The following SMARCC1 variants were observed in gnomAD, a reference collection of about 807,000 sequenced individuals.
SMARCC1 encodes the protein SWI/SNF related BAF chromatin remodeling complex subunit C1.
In SMARCC1, 43 loss-of-function variants were observed where a neutral mutation model predicts 147.4. That is an observed-to-expected ratio of 0.29 (90% CI 0.23 to 0.38). The LOEUF (loss-of-function observed/expected upper bound fraction) is 0.38. Ranked by LOEUF, SMARCC1 falls within the 10% of genes least tolerant of loss-of-function variation. The pLI is 1.00. For synonymous variants in SMARCC1, 495 were observed against 484.4 expected (o/e 1.02, Z -0.29); for missense variants, 1,119 against 1,381.1 (o/e 0.81, Z 3.01).
intron 24 of SMARCC1, among the ~76,000 whole-genome samples, chr3:47,624,707 C>T (rs2032782864): frequency 6.6e-6 from 1 of 151,986 alleles, no homozygotes; most frequent in South Asian, 2.1e-4. Context: ...AAGTCACAGA[C>T]CAAACCTAAG....
chr3:47,737,884 G>T (rs905548723), intron 4 of SMARCC1, 145 bp downstream of exon 4: 31 of 351,178 alleles, frequency 8.8e-5, no homozygotes, highest in African/African-American at 5.7e-4. Context: ...GGATGGTCTC[G>T]ATCTCCTGAC....
At position 47,636,085 on chromosome 3, in the gene SMARCC1, C is replaced by T. The variant is rs747529623; in HGVS notation, c.2428G>A (p.Gly810Arg). ...ETDEGDKAQDGENEKNSEKEQ... is the reference protein window; with the variant it reads ...ETDEGDKAQDRENEKNSEKEQ... ...TTTTCACTATTTTTTTCATTTTCTC[C>T]ATCTTGTGCTTTATCACCTTCATCC... The change falls in exon 23 of 28, where the codon GGA becomes AGA. Residue 810 changes from glycine to arginine, a missense_variant. Transcript: ENST00000254480. The T allele has an allele frequency of 1.2e-6, 2 of 1,610,076 alleles. No individual in the cohort carries two copies. The highest frequency in any genetic ancestry group is 8.5e-7 in the Non-Finnish European group (1 of 1,177,248).
chr3:47,667,660 C>T (rs887231263), intron 19 of SMARCC1, among the ~76,000 whole-genome samples: 1 of 152,148 alleles, frequency 6.6e-6, no homozygotes, highest in Non-Finnish European at 1.5e-5. Flanking sequence ...GGGCAGATCA[C>T]GAGGTCAAGA....
intron 8 of SMARCC1, among the ~76,000 whole-genome samples, chr3:47,713,190 G>A (rs1194688089): frequency 6.6e-6 from 1 of 151,714 alleles, no homozygotes; most frequent in African/African-American, 2.4e-5. Flanking sequence ...GCTTGGTGGC[G>A]GGCGCCTGTA....
At chr3:47,658,268 A>G (rs975491788) in intron 21 of SMARCC1, among the ~76,000 whole-genome samples, 8 of 152,258 alleles carry the variant, frequency 5.3e-5, no homozygotes, top group African/African-American at 1.4e-4. Context: ...TATAGAATTC[A>G]CCCATTTATT....
At chr3:47,771,461 G>C (rs1486177982) in intron 2 of SMARCC1, among the ~76,000 whole-genome samples, 1 of 152,190 alleles carries the variant, frequency 6.6e-6, no homozygotes, top group African/African-American at 2.4e-5. Flanking sequence ...GTATAAGATA[G>C]CAGAGGCTGG....
chr3:47,646,591 T>A (rs910264546), intron 21 of SMARCC1, among the ~76,000 whole-genome samples: 1 of 152,238 alleles, frequency 6.6e-6, no homozygotes, highest in African/African-American at 2.4e-5. Context: ...GAGAGGCATA[T>A]TGGAGAAGAG....
chr3:47,612,373 C>T (rs541887638), intron 25 of SMARCC1, among the ~76,000 whole-genome samples: 88 of 152,284 alleles, frequency 5.8e-4, no homozygotes, highest in African/African-American at 1.8e-3. Flanking sequence ...CTGGTCTGAA[C>T]AGCTTGGCTG....
chr3:47,702,001 C>G (rs1258029566), intron 10 of SMARCC1, among the ~76,000 whole-genome samples: 1 of 151,944 alleles, frequency 6.6e-6, no homozygotes, highest in Non-Finnish European at 1.5e-5. Flanking sequence ...AATAAAATAA[C>G]AACTGCTAAG....
rs187736341 is a variant in SMARCC1, at chr3:47,676,229, C to A, written c.1725+400G>T. ...TTTTGATAATGTATATATGGATATACACTTTACAAATCTTAGGACAAGTTA... is the reference window on the plus strand; with the variant it reads ...TTTTGATAATGTATATATGGATATAAACTTTACAAATCTTAGGACAAGTTA... On this transcript the variant is annotated intron_variant, in intron 17 of 27. Coordinates refer to ENST00000254480, the MANE Select transcript of SMARCC1 (RefSeq NM_003074.4). Among the ~76,000 whole-genome samples the A allele has an allele frequency of 1.6e-3, 248 of 152,234 alleles. 1 individual carries two copies. The highest frequency in any genetic ancestry group is 6.8e-3 in the Middle Eastern group (2 of 294).
chr3:47,590,132 C>T (rs1435198637), intron 27 of SMARCC1, among the ~76,000 whole-genome samples: 1 of 152,224 alleles, frequency 6.6e-6, no homozygotes, highest in African/African-American at 2.4e-5. Context: ...GTGTTGTCCT[C>T]ATTGAGCTTG....
At chr3:47,757,239 A>T (rs972621546) in intron 2 of SMARCC1, among the ~76,000 whole-genome samples, 6 of 152,122 alleles carry the variant, frequency 3.9e-5, no homozygotes, top group Non-Finnish European at 8.8e-5. Context: ...TGATTAGGCC[A>T]GACCCCGTTT....
intron 21 of SMARCC1, among the ~76,000 whole-genome samples, chr3:47,654,577 A>G (rs2033233552): frequency 6.6e-6 from 1 of 152,204 alleles, no homozygotes; most frequent in Non-Finnish European, 1.5e-5. Flanking sequence ...ACTTATAAAG[A>G]AAAAGGGTTT....
At chr3:47,727,906 T>A (rs1026241358) in intron 6 of SMARCC1, among the ~76,000 whole-genome samples, 1 of 151,676 alleles carries the variant, frequency 6.6e-6, no homozygotes. Context: ...TTTTAAGACA[T>A]GAGATTTCAC....
At position 47,595,736 on chromosome 3, in the gene SMARCC1, C is replaced by CTT. The variant is rs1360902827; in HGVS notation, c.3044-4901_3044-4900dup. 7.9e-5 allele frequency among the ~76,000 whole-genome samples: 11 copies of CTT among 140,122 alleles called. 1 individual carries two copies. Among genetic ancestry groups the CTT allele is most frequent in the Admixed American group, 1.4e-4 (2 of 14,030 alleles). The allele number at this position is 140,122 out of a possible 152,430, so 91.9% of individuals were successfully genotyped here. A position where few individuals can be genotyped will look rare whatever the true frequency, so the allele number is the denominator to read the frequency against. ...CCGAGGCTTATAAAGGTTTCTTTTT[C>CTT]TTTTTCTTTTTTTTTGAGACGGGAG... On this transcript the variant is annotated intron_variant, in intron 26 of 27. Transcript: ENST00000254480.
At chr3:47,746,743 T>C (rs867451470) in intron 2 of SMARCC1, among the ~76,000 whole-genome samples, 2,602 of 151,582 alleles carry the variant, frequency 0.017, 82 homozygotes, top group African/African-American at 0.06. Context: ...TTTTTTTTTT[T>C]TTTTGAGATA....
intron 2 of SMARCC1, among the ~76,000 whole-genome samples, chr3:47,766,269 A>T (rs12495520): frequency 0.59 from 90,212 of 151,904 alleles, 28,437 homozygotes; most frequent in East Asian, 0.72. Flanking sequence ...AATGCAGAAT[A>T]AAAAAACAGC....
intron 9 of SMARCC1, among the ~76,000 whole-genome samples, chr3:47,710,038 C>T (rs1016684655): frequency 7.9e-5 from 12 of 152,066 alleles, no homozygotes; most frequent in Admixed American, 3.3e-4. Context: ...TTAAACAGGT[C>T]GGGTGTGGTG....
At chr3:47,728,522 A>G (rs2034328149) in intron 6 of SMARCC1, among the ~76,000 whole-genome samples, 1 of 152,150 alleles carries the variant, frequency 6.6e-6, no homozygotes, top group Admixed American at 6.6e-5. Context: ...TTCTTGAGAA[A>G]GATGTTTGGA....
Sources: allele counts gnomAD v4.1 joint callset (sites outside exome capture counted in the v4.1 genomes callset), GRCh38; gene constraint gnomAD v4.1.1; transcripts MANE v1.5; gene names NCBI Gene and HGNC (gene_info 2026-07-23, HGNC 2026-07-21).